The following SPTBN1 variants were observed in gnomAD, a reference collection of about 807,000 sequenced individuals.
SPTBN1 encodes the protein spectrin beta chain, non-erythrocytic 1.
SPTBN1 carries 32 observed loss-of-function variants against 266.4 expected under a neutral mutation model. That is an observed-to-expected ratio of 0.12 (90% CI 0.09 to 0.16). The LOEUF is 0.16. SPTBN1 is among the 10% of genes least tolerant of loss of function. SPTBN1 has a pLI of 1.00. For synonymous variants in SPTBN1, 1,336 were observed against 1,162.2 expected (o/e 1.15, Z -3.04); for missense variants, 2,296 against 3,067.1 (o/e 0.75, Z 5.94).
chr2:54,484,312 T>A (rs1668241584), intron 1 of SPTBN1, among the ~76,000 whole-genome samples: 1 of 152,220 alleles, frequency 6.6e-6, no homozygotes, highest in African/African-American at 2.4e-5. Context: ...TTGTGTTTAT[T>A]TTCCTCTCAT....
chr2:54,586,171 A>G (rs751123402), intron 2 of SPTBN1, among the ~76,000 whole-genome samples: 3 of 152,206 alleles, frequency 2.0e-5, no homozygotes, highest in Non-Finnish European at 2.9e-5. Context: ...ACTCCTCCCC[A>G]AACACACATT....
chr2:54,596,510 C>T (rs973178175), intron 2 of SPTBN1, among the ~76,000 whole-genome samples: 9 of 152,040 alleles, frequency 5.9e-5, no homozygotes, highest in African/African-American at 2.2e-4. Flanking sequence ...GTCTGGTCCC[C>T]GGATGGAATC....
chr2:54,465,637 C>CATATATA (rs1433073794), intron 1 of SPTBN1, among the ~76,000 whole-genome samples: 1,407 of 89,640 alleles, frequency 0.016, 23 homozygotes, highest in South Asian at 0.033. Flanking sequence ...TCATGTTTAT[C>CATATATA]TCATATATAT....
chr2:54,473,094 T>G (rs1447959102), intron 1 of SPTBN1, among the ~76,000 whole-genome samples: 1 of 152,220 alleles, frequency 6.6e-6, no homozygotes, highest in Non-Finnish European at 1.5e-5. Flanking sequence ...TGTCTTCATA[T>G]GTGTAAGTCT....
chr2:54,659,941 C>T lies in SPTBN1; in HGVS notation c.6362C>T (p.Thr2121Ile). ...TTTCCCCTCTTCCCTAACAGGGATA[C>T]TTCAAAAGGAGAACAAGTTTCCCAA... ...EEAESQQQWD[T>I]SKGEQVSQNG... Residue 2121 changes from threonine (T) to isoleucine (I), a missense_variant, in exon 32 of 36, where the codon ACT (threonine) becomes ATT (isoleucine). By Grantham distance (89) the Thr-to-Ile change is moderately conservative. This residue lies in a region of SPTBN1 where 347 missense variants were observed against 368.5 expected (regional missense o/e 0.94). Coordinates refer to ENST00000356805, the MANE Select transcript of SPTBN1 (RefSeq NM_003128.3). 1 of 1,614,120 alleles carries T rather than the reference C, an allele frequency of 6.2e-7. No individual in the cohort carries two copies. The highest frequency in any genetic ancestry group is 1.3e-5 in the African/African-American group (1 of 75,032).
chr2:54,569,688 A>G (rs951828105), intron 2 of SPTBN1, among the ~76,000 whole-genome samples: 5 of 152,190 alleles, frequency 3.3e-5, no homozygotes, highest in South Asian at 4.1e-4. Context: ...CTTCTCATCT[A>G]TGGGATGAAG....
At chr2:54,655,453 A>G (rs528623929) in intron 28 of SPTBN1, among the ~76,000 whole-genome samples, 21 of 152,288 alleles carry the variant, frequency 1.4e-4, no homozygotes, top group African/African-American at 3.6e-4. Context: ...ATCCTCCCCA[A>G]TCAGTACTCT....
chr2:54,556,864 T>A (rs1395845947), intron 2 of SPTBN1, among the ~76,000 whole-genome samples: 2 of 152,132 alleles, frequency 1.3e-5, no homozygotes, highest in African/African-American at 4.8e-5. Context: ...GAATCCAGGG[T>A]TTCTTCTAAG....
intron 2 of SPTBN1, among the ~76,000 whole-genome samples, chr2:54,597,213 A>G (rs1343091740): frequency 6.6e-6 from 1 of 152,256 alleles, no homozygotes; most frequent in Non-Finnish European, 1.5e-5. Flanking sequence ...ATAAGAGGCC[A>G]TCTGTGAAAT....
chr2:54,651,377 A>C (rs1010679743), intron 26 of SPTBN1, among the ~76,000 whole-genome samples: 1 of 55,774 alleles, frequency 1.8e-5, no homozygotes, highest in East Asian at 2.9e-4. Context: ...CTGGGCTATG[A>C]TGTTATAGCA....
intron 2 of SPTBN1, among the ~76,000 whole-genome samples, chr2:54,543,247 T>C (rs1672038460): frequency 1.3e-5 from 2 of 152,212 alleles, no homozygotes; most frequent in African/African-American, 4.8e-5. Flanking sequence ...CTTATGGGAA[T>C]GTTGCAGGAA....
rs746897447 is a variant in SPTBN1 at position 54,562,533 on chromosome 2, C to CTTTTTTTCTTTTTTTTTTTTTT, written c.148+35974_148+35975insCTTTTTTTTTTTTTTTTTTTTT. ...AAATGCTTACTTTTCTTTTCTTTTT[C>CTTTTTTTCTTTTTTTTTTTTTT]TTTTTTTTTTTTGAGGCAAGGTCTG... is the stretch of plus-strand genomic sequence containing the variant. On this transcript the variant is annotated intron_variant, in intron 2 of 35. Coordinates refer to ENST00000356805, the MANE Select transcript of SPTBN1 (RefSeq NM_003128.3). Among the ~76,000 whole-genome samples, 78 of 126,748 alleles carry CTTTTTTTCTTTTTTTTTTTTTT rather than the reference C, an allele frequency of 6.2e-4. 4 individuals carry two copies. The highest frequency in any genetic ancestry group is 8.0e-4 in the Non-Finnish European group (50 of 62,612). 83.2% of individuals were successfully genotyped at this position (126,748 alleles called of 152,430 possible).
chr2:54,603,841 AC>A (rs1676660491), intron 3 of SPTBN1, among the ~76,000 whole-genome samples: 1 of 152,214 alleles, frequency 6.6e-6, no homozygotes. Context: ...AAAGAAAAAA[AC>A]ATAAGCAAGT....
At chr2:54,619,876 T>G (rs1677879257) in intron 7 of SPTBN1, among the ~76,000 whole-genome samples, 4 of 152,208 alleles carry the variant, frequency 2.6e-5, no homozygotes, top group Admixed American at 2.0e-4. Flanking sequence ...TGTGTCCTGA[T>G]GTTCTCTTGT....
At chr2:54,599,377 G>A (rs1219118659) in intron 3 of SPTBN1, 134 bp downstream of exon 3, 12 of 1,068,896 alleles carry the variant, frequency 1.1e-5, no homozygotes, top group Non-Finnish European at 1.6e-5. Context: ...GAAGTGAGTT[G>A]AGCGCTTCAG....
rs780273707 is a variant in SPTBN1, at chr2:54,664,624, G to T, written c.6592G>T (p.Ala2198Ser). The T allele has an allele frequency of 3.1e-6, 5 of 1,614,152 alleles. No homozygotes were observed. The highest frequency in any genetic ancestry group is 2.2e-5 in the East Asian group (1 of 44,876). ...LPARTQETPS[A>S]QMEGFLNRKH... ...AGCCAGAACCCAGGAGACACCTTCG[G>T]CCCAGATGGAAGGCTTCCTCAATCG... The change falls in exon 33 of 36, where the codon GCC (alanine) becomes TCC (serine). Residue 2198 changes from alanine to serine, a missense_variant. By Grantham distance (99) the Ala-to-Ser change is moderately conservative. Transcript: ENST00000356805. This position sits in a 1 kb window ranked among gnomAD's most constrained non-coding sequence, Gnocchi z 5.6.
At chr2:54,638,136 A>G (rs1679278010) in intron 18 of SPTBN1, among the ~76,000 whole-genome samples, 1 of 152,236 alleles carries the variant, frequency 6.6e-6, no homozygotes, top group Non-Finnish European at 1.5e-5. Context: ...TGGTTCTTCC[A>G]TCACTAGCTG....
intron 1 of SPTBN1, chr2:54,457,362 G>C (rs994229270): frequency 2.6e-5 from 4 of 152,440 alleles, no homozygotes; most frequent in Admixed American, 6.5e-5. Context: ...CCCTCTTTTA[G>C]GGGGCGCCTT....
At chr2:54,638,911 TA>T (rs1364862822) in intron 18 of SPTBN1, among the ~76,000 whole-genome samples, 1 of 152,236 alleles carries the variant, frequency 6.6e-6, no homozygotes, top group African/African-American at 2.4e-5. Flanking sequence ...TTAGATCACG[TA>T]TGACAGAAGC....
Sources: gnomAD v4.1 joint callset for allele counts (sites outside exome capture counted in the v4.1 genomes callset) on GRCh38, gnomAD v4.1.1 for gene constraint, gnomAD v4.1.1 regional missense constraint, Gnocchi (gnomAD v3.1) non-coding constraint, MANE v1.5 for transcripts, NCBI Gene and HGNC (gene_info 2026-07-23, HGNC 2026-07-21) for gene names.